The following ATF6 variants were observed in gnomAD, a reference collection of about 807,000 sequenced individuals.
ATF6 encodes cyclic AMP-dependent transcription factor ATF-6 alpha.
In ATF6, 53 loss-of-function variants were observed where a neutral mutation model predicts 83.6. The observed-to-expected ratio is 0.63, with a 90% CI of 0.51 to 0.80. The LOEUF is 0.80. ATF6 is among the 30% of genes least tolerant of loss of function. The pLI, the probability that ATF6 is intolerant of heterozygous loss-of-function variation, is 0.00. For synonymous variants in ATF6, 288 were observed against 285.8 expected (o/e 1.01, Z -0.08); for missense variants, 744 against 797.9 (o/e 0.93, Z 0.81).
chr1:161,790,137 C>A (rs1030367599), intron 4 of ATF6, among the ~76,000 whole-genome samples: 1 of 151,892 alleles, frequency 6.6e-6, no homozygotes, highest in Non-Finnish European at 1.5e-5. Flanking sequence ...TATCTTTTAA[C>A]TTTGTTTATG....
At chr1:161,900,675 A>T (rs1377744231) in intron 14 of ATF6, among the ~76,000 whole-genome samples, 2 of 152,136 alleles carry the variant, frequency 1.3e-5, no homozygotes, top group Non-Finnish European at 2.9e-5. Context: ...TATTTAAAGT[A>T]TCTCCTTAAT....
At chr1:161,807,865 C>CTTTTTATTTTTT (rs1685335692) in intron 7 of ATF6, among the ~76,000 whole-genome samples, 1 of 32,308 alleles carries the variant, frequency 3.1e-5, no homozygotes, top group Non-Finnish European at 5.8e-5. Context: ...AGTTTGTCAT[C>CTTTTTATTTTTT]TTTTTTTTTT....
rs974638338 is a variant in ATF6 at position 161,848,836 on chromosome 1, C to A, written c.1319+2256C>A. Among the ~76,000 whole-genome samples, 8 of 152,108 alleles carry A rather than the reference C, an allele frequency of 5.3e-5. No homozygotes were observed. In the South Asian group the frequency reaches 1.2e-3, roughly 24 times the overall value. On this transcript the variant is annotated intron_variant, in intron 10 of 15. Transcript: ENST00000367942. ...GACTCGAACTCTGACTGTTCCTGGG[C>A]TAATGTTGGTCTAATTGTCTCCAGA...
At chr1:161,800,536 CAA>C (rs899612951) in intron 6 of ATF6, among the ~76,000 whole-genome samples, 3 of 152,090 alleles carry the variant, frequency 2.0e-5, no homozygotes, top group African/African-American at 7.2e-5. Flanking sequence ...AAGAACTTAA[CAA>C]AAATTATGAC....
chr1:161,957,093 A>G (rs1179400422), intron 15 of ATF6, among the ~76,000 whole-genome samples: 2 of 152,100 alleles, frequency 1.3e-5, no homozygotes, highest in African/African-American at 4.8e-5. Context: ...ATACATAACA[A>G]TGGAATCTGA....
Position 161,784,213 on chromosome 1 carries a change from A to G in ATF6, c.354+117A>G, listed in dbSNP as rs768000805. 1.4e-5 allele frequency: 10 copies of G among 725,740 alleles called. No homozygotes were observed. The African/African-American group carries it at 1.6e-4, about 12-fold the overall frequency. The allele number at this position is 725,740 out of a possible 1,614,324, so 45.0% of individuals were successfully genotyped here. A position where few individuals can be genotyped will look rare whatever the true frequency, so the allele number is the denominator to read the frequency against. On this transcript the variant is annotated intron_variant, in intron 4 of 15. Transcript: ENST00000367942. ...TACTATGAGTTATATTGTCTCATTT[A>G]TTGAGGGAACTGAGACTCAAGAAAG...
intron 14 of ATF6, among the ~76,000 whole-genome samples, chr1:161,882,424 C>G (rs1015237044): frequency 6.6e-6 from 1 of 152,024 alleles, no homozygotes; most frequent in Non-Finnish European, 1.5e-5. Flanking sequence ...AGAAAAGCTG[C>G]TACTTCTGGG....
chr1:161,853,301 A>C lies in ATF6; in HGVS notation c.1511A>C (p.Gln504Pro), dbSNP rs768887416. The change falls in exon 12 of 16, where the codon CAA becomes CCA. Residue 504 changes from glutamine to proline, a missense_variant. Gln to Pro is a moderately conservative substitution (Grantham distance 76). Transcript: ENST00000367942. Reference protein sequence around the residue: ...RTKSRRMTNNQQKTRILQGAL... With the variant: ...RTKSRRMTNNPQKTRILQGAL... Reference sequence around the variant, plus strand: ...AAGTCAAGAAGAATGACAAATAATCAACAGAAAACCCGTATTCTTCAGGTA... The same window carrying C: ...AAGTCAAGAAGAATGACAAATAATCCACAGAAAACCCGTATTCTTCAGGTA... 1.9e-6 allele frequency: 3 copies of C among 1,613,284 alleles called. No homozygotes were observed. The highest frequency in any genetic ancestry group is 2.5e-6 in the Non-Finnish European group (3 of 1,179,394).
At chr1:161,936,007 G>A (rs982400609) in intron 15 of ATF6, among the ~76,000 whole-genome samples, 3 of 152,266 alleles carry the variant, frequency 2.0e-5, no homozygotes, top group East Asian at 3.8e-4. Flanking sequence ...CCGTCTTCAC[G>A]TGGTAGGCTA....
At position 161,856,604 on chromosome 1, in the gene ATF6, T is replaced by C. The variant is rs560010307; in HGVS notation, c.1533+3281T>C. On this transcript the variant is annotated intron_variant, in intron 12 of 15. Transcript: ENST00000367942. ...CGATATAGGTTTCAGGCTTCCATCC[T>C]TTGCTACACAGAGGAAGAGCACAGG... 5.9e-5 allele frequency among the ~76,000 whole-genome samples: 9 copies of C among 152,326 alleles called. No homozygotes were observed. In the South Asian group the frequency reaches 1.7e-3, roughly 28 times the overall value.
chr1:161,890,055 G>A (rs751375865), intron 14 of ATF6, among the ~76,000 whole-genome samples: 1 of 152,068 alleles, frequency 6.6e-6, no homozygotes, highest in Non-Finnish European at 1.5e-5. Context: ...AACTCTCTGA[G>A]AACAGGTTAA....
At chr1:161,842,933 T>C (rs1017608400) in intron 9 of ATF6, among the ~76,000 whole-genome samples, 4 of 152,208 alleles carry the variant, frequency 2.6e-5, no homozygotes, top group African/African-American at 9.6e-5. Flanking sequence ...CTTTCATACA[T>C]CATTTATTGT....
Position 161,897,478 on chromosome 1 carries a change from C to A in ATF6, c.1720-14818C>A, listed in dbSNP as rs563393824. Among the ~76,000 whole-genome samples, 18 of 152,196 alleles carry A rather than the reference C, an allele frequency of 1.2e-4. No individual in the cohort carries two copies. The South Asian group carries it at 3.7e-3, about 32-fold the overall frequency. On this transcript the variant is annotated intron_variant, in intron 14 of 15. Coordinates refer to ENST00000367942, the MANE Select transcript of ATF6 (RefSeq NM_007348.4). Reference sequence around the variant, plus strand: ...AAAAATATTCTACTGGCCAACTCCTCCCCCACCTTCTAACCTTCAGCACCA... The same window carrying A: ...AAAAATATTCTACTGGCCAACTCCTACCCCACCTTCTAACCTTCAGCACCA...
chr1:161,786,605 A>G (rs1684753386), intron 4 of ATF6, among the ~76,000 whole-genome samples: 1 of 152,018 alleles, frequency 6.6e-6, no homozygotes, highest in African/African-American at 2.4e-5. Flanking sequence ...GTTTGGAACA[A>G]TCTCAAATTC....
intron 14 of ATF6, among the ~76,000 whole-genome samples, chr1:161,902,198 G>A (rs1687801084): frequency 6.6e-6 from 1 of 152,130 alleles, no homozygotes; most frequent in African/African-American, 2.4e-5. Flanking sequence ...ATTATTTCAA[G>A]TAAAAGTGGT....
intron 7 of ATF6, among the ~76,000 whole-genome samples, chr1:161,819,344 G>T (rs1201801025): frequency 6.6e-6 from 1 of 152,136 alleles, no homozygotes; most frequent in Non-Finnish European, 1.5e-5. Context: ...TATATTTAAA[G>T]ATACTTTCTG....
chr1:161,945,146 G>A (rs1173818116), intron 15 of ATF6, among the ~76,000 whole-genome samples: 2 of 152,172 alleles, frequency 1.3e-5, no homozygotes, highest in Non-Finnish European at 2.9e-5. Flanking sequence ...TCTATTATAT[G>A]CTGCACATGG....
intron 7 of ATF6, among the ~76,000 whole-genome samples, chr1:161,802,875 A>G (rs575938431): frequency 6.6e-6 from 1 of 152,264 alleles, no homozygotes; most frequent in African/African-American, 2.4e-5. Flanking sequence ...AAGACCTGTC[A>G]CTCTCTAAAG....
At chr1:161,807,271 A>G (rs1445864074) in intron 7 of ATF6, among the ~76,000 whole-genome samples, 2 of 152,202 alleles carry the variant, frequency 1.3e-5, no homozygotes, top group Non-Finnish European at 2.9e-5. Context: ...GAGACTGCCT[A>G]TGTTCTATTT....
Sources: allele counts gnomAD v4.1 joint callset (sites outside exome capture counted in the v4.1 genomes callset), GRCh38; gene constraint gnomAD v4.1.1; transcripts MANE v1.5; gene names NCBI Gene and HGNC (gene_info 2026-07-23, HGNC 2026-07-21).